Variants in SLC6A6 observed in about 807,000 individuals in gnomAD.
SLC6A6 encodes sodium- and chloride-dependent taurine transporter.
Under a neutral mutation model 68.8 loss-of-function variants are expected in SLC6A6, and 16 were observed. That is an observed-to-expected ratio of 0.23 (90% confidence interval 0.16 to 0.35). The LOEUF (loss-of-function observed/expected upper bound fraction) is 0.35, where lower values mean the gene tolerates loss of function less well. Among genes scored for constraint, SLC6A6 ranks in the 10% least tolerant of loss-of-function variants. The probability of loss-of-function intolerance (pLI) is 1.00; values close to 1 mark genes in which losing one functional copy is unlikely to be tolerated. For synonymous variants in SLC6A6, 312 were observed against 315.4 expected (o/e 0.99, Z 0.12); for missense variants, 474 against 802.8 (o/e 0.59, Z 4.95).
chr3:14,423,159 C>G (rs950143976), intron 2 of SLC6A6, among the ~76,000 whole-genome samples: 4 of 152,176 alleles, frequency 2.6e-5, no homozygotes, highest in African/African-American at 9.7e-5. Flanking sequence ...GTAGAGGAAC[C>G]CAGAGGACTT....
At chr3:14,440,645 C>T (rs532429200) in intron 2 of SLC6A6, among the ~76,000 whole-genome samples, 40 of 152,238 alleles carry the variant, frequency 2.6e-4, no homozygotes, top group Admixed American at 1.9e-3. Flanking sequence ...AGCAGGGAGA[C>T]CTGTGAGGAG....
chr3:14,437,506 T>A (rs531586511), intron 2 of SLC6A6, among the ~76,000 whole-genome samples: 4 of 152,296 alleles, frequency 2.6e-5, no homozygotes, highest in African/African-American at 9.6e-5. Flanking sequence ...AAATTGTATA[T>A]ATTTATGGTG....
In SLC6A6 at chr3:14,443,876, C is replaced by T. The variant is rs770311214; in HGVS notation, c.229+13C>T. ...AAGAATGGTGGAGGTGAGCTTGGGCCGGGCCACAGGGGAGCCCATCCAGTA... is the reference window on the plus strand; with the variant it reads ...AAGAATGGTGGAGGTGAGCTTGGGCTGGGCCACAGGGGAGCCCATCCAGTA... On this transcript the variant is annotated intron_variant, in intron 3 of 14. Coordinates refer to ENST00000622186, the MANE Select transcript of SLC6A6 (RefSeq NM_003043.6). 2.5e-5 allele frequency: 39 copies of T among 1,585,262 alleles called. No individual in the cohort carries two copies. Among genetic ancestry groups the T allele is most frequent in the Middle Eastern group, 1.7e-4 (1 of 6,026 alleles).
In SLC6A6 at chr3:14,488,983, T is replaced by C. The variant is rs1342795284; in HGVS notation, c.*3976T>C. 6.6e-6 allele frequency: 1 copy of C among 152,590 alleles called. No homozygotes were observed. Among genetic ancestry groups the C allele is most frequent in the Non-Finnish European group, 1.5e-5 (1 of 68,032 alleles). The allele number at this position is 152,590 out of a possible 1,614,324, so 9.5% of individuals were successfully genotyped here. A position where few individuals can be genotyped will look rare whatever the true frequency, so the allele number is the denominator to read the frequency against. On this transcript the variant is annotated 3_prime_UTR_variant, in exon 15 of 15. Transcript: ENST00000622186. ...CTCTGTATTTAGCACAAGAGAAAGC[T>C]GAGAATGTGGGTCTTGCCTCCTTCC... is the stretch of plus-strand genomic sequence containing the variant.
chr3:14,435,554 G>A (rs1488128647), intron 2 of SLC6A6, among the ~76,000 whole-genome samples: 4 of 152,152 alleles, frequency 2.6e-5, no homozygotes, highest in Non-Finnish European at 5.9e-5. Flanking sequence ...TTTGTTCCGG[G>A]CAAAACAATG....
chr3:14,415,347 G>T (rs1336596428), intron 1 of SLC6A6, among the ~76,000 whole-genome samples: 1 of 152,192 alleles, frequency 6.6e-6, no homozygotes, highest in Non-Finnish European at 1.5e-5. Context: ...TCTGTAGGCT[G>T]CCGGGACTGG....
At chr3:14,427,036 G>A (rs1699615857) in intron 2 of SLC6A6, among the ~76,000 whole-genome samples, 1 of 147,720 alleles carries the variant, frequency 6.8e-6, no homozygotes, top group African/African-American at 2.7e-5. Flanking sequence ...ACCCTGCGCT[G>A]TGCTGGAAGG....
chr3:14,409,522 G>A (rs1005837171), intron 1 of SLC6A6, among the ~76,000 whole-genome samples: 5 of 152,246 alleles, frequency 3.3e-5, no homozygotes, highest in Admixed American at 6.5e-5. Context: ...AGAGTCCACC[G>A]GATGCCTCAG....
intron 2 of SLC6A6, among the ~76,000 whole-genome samples, chr3:14,432,006 G>A (rs143464571): frequency 2.0e-5 from 3 of 152,248 alleles, no homozygotes; most frequent in Non-Finnish European, 2.9e-5. Context: ...ACAGCAGAGC[G>A]CCCTGACTGG....
chr3:14,429,261 C>T (rs1345930429), intron 2 of SLC6A6, among the ~76,000 whole-genome samples: 2 of 152,206 alleles, frequency 1.3e-5, no homozygotes, highest in Non-Finnish European at 2.9e-5. Flanking sequence ...GTAACCTTGG[C>T]CAGGTCATTC....
intron 2 of SLC6A6, among the ~76,000 whole-genome samples, chr3:14,425,929 C>T (rs1236507472): frequency 1.4e-5 from 2 of 142,752 alleles, no homozygotes; most frequent in Non-Finnish European, 1.5e-5. Flanking sequence ...ATGCATGACT[C>T]TCACCAATTA....
chr3:14,408,098 G>C (rs1433682517), intron 1 of SLC6A6, among the ~76,000 whole-genome samples: 1 of 152,124 alleles, frequency 6.6e-6, no homozygotes, highest in Non-Finnish European at 1.5e-5. Flanking sequence ...CTGTACAAGT[G>C]TTTTTGTGGA....
chr3:14,452,859 T>G (rs1471098304), intron 5 of SLC6A6, among the ~76,000 whole-genome samples: 1 of 152,244 alleles, frequency 6.6e-6, no homozygotes, highest in Admixed American at 6.5e-5. Context: ...AAGGTCGCCC[T>G]GGAGGACAGG....
In SLC6A6 at chr3:14,484,981, CA is replaced by C; in HGVS notation, c.1838del (p.His613ProfsTer7). The C allele has an allele frequency of 6.2e-7, 1 of 1,613,196 alleles. No individual in the cohort carries two copies. Among genetic ancestry groups the C allele is most frequent in the Non-Finnish European group, 8.5e-7 (1 of 1,179,740 alleles). Reference sequence around the variant, plus strand: ...GAACGGCGCTCTCGTGAAACCGACCCACATCATTGTGGAGACCATGATGTGA... The same window carrying C: ...GAACGGCGCTCTCGTGAAACCGACCCCATCATTGTGGAGACCATGATGTGA... ...VMNGALVKPTHIIVETMM is the reference protein window; with the variant it reads ...VMNGALVKPTXIIVETMM On this transcript the variant is annotated frameshift_variant, in exon 15 of 15. Transcript: ENST00000622186. LOFTEE classifies it high-confidence loss of function.
chr3:14,441,382 G>C (rs1044626181), intron 2 of SLC6A6, among the ~76,000 whole-genome samples: 1 of 152,114 alleles, frequency 6.6e-6, no homozygotes, highest in Non-Finnish European at 1.5e-5. Flanking sequence ...AACAATGCTG[G>C]CTGCTAGGAC....
chr3:14,466,458 C>G (rs1700621986), intron 6 of SLC6A6, 58 bp from the exon 7 acceptor site: 1 of 1,559,010 alleles, frequency 6.4e-7, no homozygotes, highest in Admixed American at 1.8e-5. Flanking sequence ...AGAGGATGCT[C>G]AGACTTAGCA....
rs576222681 is a variant in SLC6A6, at chr3:14,477,020, C to T, written c.1210-185C>T. Among the ~76,000 whole-genome samples, 111 of 152,344 alleles carry T rather than the reference C, an allele frequency of 7.3e-4. No homozygotes were observed. The highest frequency in any genetic ancestry group is 1.1e-3 in the Non-Finnish European group (78 of 68,034). On this transcript the variant is annotated intron_variant, in intron 10 of 14. Coordinates refer to ENST00000622186, the MANE Select transcript of SLC6A6 (RefSeq NM_003043.6). The surrounding 1 kb of genome is among the most constrained non-coding windows in gnomAD (Gnocchi z 4.2). Reference sequence around the variant, plus strand: ...TGGCTCCGAGGAGTGGCAGGCGGGACTCCCCAGGCACAGTCAGGGAGGCCA... The same window carrying T: ...TGGCTCCGAGGAGTGGCAGGCGGGATTCCCCAGGCACAGTCAGGGAGGCCA...
chr3:14,412,190 T>A (rs1009986204), intron 1 of SLC6A6, among the ~76,000 whole-genome samples: 3 of 152,136 alleles, frequency 2.0e-5, no homozygotes, highest in African/African-American at 7.2e-5. Context: ...GTCATCCTCT[T>A]GGTGGTTTTT....
intron 6 of SLC6A6, among the ~76,000 whole-genome samples, chr3:14,464,202 C>T (rs1574954739): frequency 6.6e-6 from 1 of 152,214 alleles, no homozygotes; most frequent in Admixed American, 6.5e-5. Context: ...AGCTTGGCTT[C>T]AGACCTGAGG....
Sources: gnomAD v4.1 joint callset for allele counts (sites outside exome capture counted in the v4.1 genomes callset) on GRCh38, gnomAD v4.1.1 for gene constraint, Gnocchi (gnomAD v3.1) non-coding constraint, MANE v1.5 for transcripts, NCBI Gene and HGNC (gene_info 2026-07-23, HGNC 2026-07-21) for gene names.